Variants in DIAPH2 observed in about 807,000 individuals in gnomAD.
DIAPH2 encodes protein diaphanous homolog 2.
Under a neutral mutation model 92.7 loss-of-function variants are expected in DIAPH2, and 35 were observed. The ratio of observed to expected loss-of-function variants is 0.38; its 90% CI spans 0.29 to 0.50. The LOEUF is 0.50. Among genes scored for constraint, DIAPH2 ranks in the 20% least tolerant of loss-of-function variants. DIAPH2 has a pLI of 0.94. For synonymous variants in DIAPH2, 301 were observed against 280.4 expected, an observed-to-expected ratio of 1.07 and a Z score of -0.73; for missense variants, 701 against 819.5, an observed-to-expected ratio of 0.86 and a Z score of 1.77.
intron 9 of DIAPH2, among the ~76,000 whole-genome samples, chrX:96,919,690 C>T (rs1217042926): frequency 1.8e-5 from 2 of 109,494 alleles, no homozygotes; most frequent in Non-Finnish European, 3.8e-5. Flanking sequence ...TTTTGTTTGC[C>T]AGAGTTTGAA....
intron 1 of DIAPH2, among the ~76,000 whole-genome samples, chrX:96,717,816 G>GTATA (rs61272505): frequency 0.036 from 1,314 of 36,213 alleles, 41 homozygotes; most frequent in Non-Finnish European, 0.054. Flanking sequence ...TGGGTATATA[G>GTATA]TATATATATA....
chrX:97,272,188 G>A (rs1030726066), intron 23 of DIAPH2, among the ~76,000 whole-genome samples: 19 of 109,816 alleles, frequency 1.7e-4, no homozygotes, highest in African/African-American at 2.7e-4. Context: ...TAGTAGAGAC[G>A]GGGTTTCACT....
intron 26 of DIAPH2, among the ~76,000 whole-genome samples, chrX:97,502,155 G>T (rs2070803157): frequency 8.9e-6 from 1 of 111,756 alleles, no homozygotes; most frequent in Non-Finnish European, 1.9e-5. Flanking sequence ...GTTTTGTATT[G>T]AAATGAATGA....
At chrX:96,916,417 G>GTTTTT in intron 7 of DIAPH2, 21 bp from the exon 8 acceptor site, 42 of 886,756 alleles carry the variant, frequency 4.7e-5, no homozygotes, top group African/African-American at 9.3e-5. Flanking sequence ...CTGAATGAAG[G>GTTTTT]TTTTTTTTTT....
At chrX:97,345,714 T>G (rs7472453) in intron 23 of DIAPH2, among the ~76,000 whole-genome samples, 2,413 of 112,018 alleles carry the variant, frequency 0.022, 53 homozygotes, top group African/African-American at 0.073. Context: ...TTATTAATTT[T>G]TAATGGATTT....
intron 4 of DIAPH2, among the ~76,000 whole-genome samples, chrX:96,808,458 G>A (rs1412265747): frequency 9.0e-6 from 1 of 111,614 alleles, no homozygotes; most frequent in African/African-American, 3.2e-5. Context: ...GAATATATCT[G>A]CAAAGCTGGT....
At chrX:97,280,404 T>C (rs1365435932) in intron 23 of DIAPH2, among the ~76,000 whole-genome samples, 1 of 110,597 alleles carries the variant, frequency 9.0e-6, no homozygotes, top group African/African-American at 3.3e-5. Flanking sequence ...ACCCGGGAAG[T>C]GGAGCTTGCA....
At chrX:97,503,341 A>G (rs1316285185) in intron 26 of DIAPH2, among the ~76,000 whole-genome samples, 1 of 112,135 alleles carries the variant, frequency 8.9e-6, no homozygotes, top group Non-Finnish European at 1.9e-5. Flanking sequence ...GTCTCCAGGC[A>G]AGGTTTACAT....
At chrX:97,379,685 T>C (rs1026354408) in intron 24 of DIAPH2, among the ~76,000 whole-genome samples, 1 of 112,205 alleles carries the variant, frequency 8.9e-6, no homozygotes, top group African/African-American at 3.2e-5. Context: ...CAGCTTTCAG[T>C]GATCTCATGG....
chrX:96,985,844 T>C (rs1242493833), intron 17 of DIAPH2, among the ~76,000 whole-genome samples: 2 of 111,169 alleles, frequency 1.8e-5, no homozygotes, highest in Admixed American at 9.6e-5. Context: ...AATGCTTTCC[T>C]AATAGTCTTT....
intron 24 of DIAPH2, among the ~76,000 whole-genome samples, chrX:97,367,702 C>CT (rs200267248): frequency 0.013 from 1,290 of 97,068 alleles, 7 homozygotes; most frequent in Non-Finnish European, 0.018. Context: ...GGTAAAATAT[C>CT]TTTTTTTTTT....
chrX:97,201,595 T>C (rs1170257001), intron 22 of DIAPH2, among the ~76,000 whole-genome samples: 3 of 107,821 alleles, frequency 2.8e-5, no homozygotes, highest in Non-Finnish European at 3.8e-5. Context: ...TTGCTGAAAT[T>C]AGGTGTGCAG....
intron 16 of DIAPH2, among the ~76,000 whole-genome samples, chrX:96,962,442 C>CATAT (rs1175762704): frequency 1.8e-5 from 1 of 55,543 alleles, no homozygotes; most frequent in African/African-American, 8.5e-5. Context: ...TATATATATA[C>CATAT]ATATATACAC....
At chrX:97,528,165 A>G (rs2071035958) in intron 26 of DIAPH2, among the ~76,000 whole-genome samples, 1 of 112,701 alleles carries the variant, frequency 8.9e-6, no homozygotes, top group Non-Finnish European at 1.9e-5. Context: ...AATGTCCTAA[A>G]TAGAGATAAA....
intron 4 of DIAPH2, among the ~76,000 whole-genome samples, chrX:96,832,786 C>A (rs917587882): frequency 2.7e-5 from 3 of 111,317 alleles, no homozygotes; most frequent in Non-Finnish European, 5.7e-5. Flanking sequence ...GGCAATGATT[C>A]CAGGGCTTTT....
intron 12 of DIAPH2, among the ~76,000 whole-genome samples, chrX:96,940,365 A>G (rs1375989521): frequency 5.4e-5 from 6 of 112,099 alleles, no homozygotes. Flanking sequence ...TTAACTGGGA[A>G]TATATCGGAA....
intron 26 of DIAPH2, among the ~76,000 whole-genome samples, chrX:97,505,063 G>A: frequency 8.9e-6 from 1 of 112,178 alleles, no homozygotes; most frequent in East Asian, 2.8e-4. Flanking sequence ...CTAGAGGATG[G>A]GGTACAAAAT....
intron 24 of DIAPH2, among the ~76,000 whole-genome samples, chrX:97,366,785 C>T (rs1476284941): frequency 3.3e-4 from 37 of 111,637 alleles, no homozygotes; most frequent in Admixed American, 3.2e-3. Flanking sequence ...TGGGGAGTTG[C>T]TATACTTTTA....
At chrX:97,494,934 C>T (rs5921837) in intron 26 of DIAPH2, among the ~76,000 whole-genome samples, 48,942 of 111,358 alleles carry the variant, frequency 0.44, 9,148 homozygotes, top group Non-Finnish European at 0.59. Context: ...AGTAAGCTGC[C>T]TGCCCTTTTT....
Sources: allele counts gnomAD v4.1 joint callset (sites outside exome capture counted in the v4.1 genomes callset), GRCh38; gene constraint gnomAD v4.1.1; transcripts MANE v1.5; gene names NCBI Gene and HGNC (gene_info 2026-07-23, HGNC 2026-07-21).